Variants in DNM3 observed in about 807,000 individuals in gnomAD.
The protein encoded by DNM3 is dynamin 3.
DNM3 carries 47 observed loss-of-function variants against 101.6 expected under a neutral mutation model. The ratio of observed to expected loss-of-function variants is 0.46; its 90% CI spans 0.37 to 0.59. The LOEUF is 0.59. Among genes scored for constraint, DNM3 ranks in the 20% least tolerant of loss-of-function variants. The pLI, the probability that DNM3 is intolerant of heterozygous loss-of-function variation, is 0.00. For synonymous variants in DNM3, 385 were observed against 387.9 expected, an observed-to-expected ratio of 0.99 and a Z score of 0.09; for missense variants, 849 against 1,085.7, an observed-to-expected ratio of 0.78 and a Z score of 3.06.
At chr1:172,302,029 T>C (rs192501140) in intron 15 of DNM3, among the ~76,000 whole-genome samples, 1 of 152,252 alleles carries the variant, frequency 6.6e-6, no homozygotes, top group East Asian at 1.9e-4. Flanking sequence ...CTGCGACCAG[T>C]TGGACAGTGA....
At chr1:171,978,693 CA>C (rs2044562787) in intron 2 of DNM3, among the ~76,000 whole-genome samples, 1 of 152,038 alleles carries the variant, frequency 6.6e-6, no homozygotes, top group South Asian at 2.1e-4. Flanking sequence ...AGAATGGATT[CA>C]ATGGAGCAAG....
At chr1:172,258,243 A>C (rs1485356486) in intron 15 of DNM3, among the ~76,000 whole-genome samples, 1 of 152,142 alleles carries the variant, frequency 6.6e-6, no homozygotes, top group Non-Finnish European at 1.5e-5. Context: ...TACAATAAAC[A>C]TGGGAGCGCG....
At chr1:172,194,032 A>G (rs1387262124) in intron 14 of DNM3, among the ~76,000 whole-genome samples, 1 of 152,116 alleles carries the variant, frequency 6.6e-6, no homozygotes, top group Non-Finnish European at 1.5e-5. Context: ...ACTGCTTTAA[A>G]TGTGTCCCAG....
chr1:172,401,240 C>T (rs2070461446), intron 20 of DNM3, among the ~76,000 whole-genome samples: 3 of 152,154 alleles, frequency 2.0e-5, no homozygotes, highest in Admixed American at 6.5e-5. Context: ...TATTGAAAAG[C>T]TTGCCTGAGT....
chr1:171,914,639 C>T (rs970246436), intron 1 of DNM3, among the ~76,000 whole-genome samples: 2 of 152,040 alleles, frequency 1.3e-5, no homozygotes, highest in African/African-American at 4.8e-5. Context: ...TTCATAATAT[C>T]AATTTAAATG....
intron 15 of DNM3, among the ~76,000 whole-genome samples, chr1:172,296,312 T>C (rs2148830572): frequency 6.6e-6 from 1 of 152,344 alleles, no homozygotes; most frequent in South Asian, 2.1e-4. Context: ...ACCAAAGCAC[T>C]AGTTGTGTGA....
chr1:171,963,846 A>G (rs2043385434), intron 2 of DNM3, among the ~76,000 whole-genome samples: 2 of 150,984 alleles, frequency 1.3e-5, no homozygotes, highest in South Asian at 4.1e-4. Flanking sequence ...GTAAACCAAA[A>G]ATAAAATTCC....
In DNM3 at chr1:172,048,634, A is replaced by G; in HGVS notation, c.1219A>G (p.Met407Val). The change falls in exon 10 of 21, where the codon ATG becomes GTG. Residue 407 changes from methionine (M) to valine (V), a missense_variant. This residue lies in a region of DNM3 where 7 missense variants were observed against 29.2 expected (regional missense o/e 0.24). Transcript: ENST00000627582. ...GIRTGLFTPD[M>V]AFEAIVKKQI... ...CAGGACAGGGTTGTTTACTCCAGAC[A>G]TGGCATTTGAAGCGATAGTCAAGAA... 1 of 1,613,488 alleles carries G rather than the reference A, an allele frequency of 6.2e-7. No homozygotes were observed. The highest frequency in any genetic ancestry group is 8.5e-7 in the Non-Finnish European group (1 of 1,179,632).
chr1:172,317,232 C>A (rs986914858), intron 16 of DNM3, among the ~76,000 whole-genome samples: 11 of 151,384 alleles, frequency 7.3e-5, no homozygotes, highest in African/African-American at 2.7e-4. Flanking sequence ...GGGACACATT[C>A]AAAGCAGTGT....
chr1:171,897,925 T>TC (rs1178262145), intron 1 of DNM3, among the ~76,000 whole-genome samples: 1 of 152,244 alleles, frequency 6.6e-6, no homozygotes, highest in South Asian at 2.1e-4. Flanking sequence ...CGGTTCATTT[T>TC]TTTTTTTGAC....
At chr1:172,087,349 G>A (rs1215386397) in intron 12 of DNM3, among the ~76,000 whole-genome samples, 1 of 151,946 alleles carries the variant, frequency 6.6e-6, no homozygotes, top group African/African-American at 2.4e-5. Flanking sequence ...ATTCCTAATG[G>A]ATCTTACCCA....
At chr1:172,120,338 C>T (rs1370676398) in intron 13 of DNM3, among the ~76,000 whole-genome samples, 1 of 152,014 alleles carries the variant, frequency 6.6e-6, no homozygotes, top group Non-Finnish European at 1.5e-5. Flanking sequence ...GGGAAAGACC[C>T]ACCCCTCATG....
At chr1:171,996,154 T>A (rs2045981587) in intron 4 of DNM3, among the ~76,000 whole-genome samples, 1 of 152,156 alleles carries the variant, frequency 6.6e-6, no homozygotes, top group Admixed American at 6.6e-5. Flanking sequence ...GTCACAAATT[T>A]GTGGCTAGAC....
intron 2 of DNM3, among the ~76,000 whole-genome samples, chr1:171,974,662 T>A (rs2125561949): frequency 2.6e-5 from 4 of 152,348 alleles, no homozygotes; most frequent in Middle Eastern, 6.8e-3. Context: ...TAGGTTTTAC[T>A]GAGTGCTGGC....
chr1:171,905,201 T>G (rs1438102613), intron 1 of DNM3, among the ~76,000 whole-genome samples: 1 of 152,234 alleles, frequency 6.6e-6, no homozygotes, highest in Admixed American at 6.5e-5. Flanking sequence ...TACTGTATAC[T>G]GCATACTTCT....
chr1:172,363,794 T>C (rs1220849498), intron 17 of DNM3, among the ~76,000 whole-genome samples: 3 of 151,852 alleles, frequency 2.0e-5, no homozygotes, highest in African/African-American at 4.8e-5. Flanking sequence ...ACTCTTCTTC[T>C]CAATATATTT....
chr1:172,086,484 G>A (rs3924561), intron 12 of DNM3, among the ~76,000 whole-genome samples: 5,613 of 152,262 alleles, frequency 0.037, 251 homozygotes, highest in East Asian at 0.14. Flanking sequence ...TGTATAATCT[G>A]TGCTGTTCAA....
chr1:172,339,811 T>G (rs1294198672), intron 17 of DNM3, among the ~76,000 whole-genome samples: 1 of 152,224 alleles, frequency 6.6e-6, no homozygotes, highest in African/African-American at 2.4e-5. Context: ...AAAAGATTAC[T>G]AAGTCAGTCA....
chr1:171,953,563 G>A (rs2042667529), intron 2 of DNM3, among the ~76,000 whole-genome samples: 1 of 151,904 alleles, frequency 6.6e-6, no homozygotes, highest in African/African-American at 2.4e-5. Context: ...GAGTAGCTGG[G>A]ATTACAGGCA....
Sources: allele counts gnomAD v4.1 joint callset (sites outside exome capture counted in the v4.1 genomes callset), GRCh38; gene constraint gnomAD v4.1.1; regional missense constraint gnomAD v4.1.1; transcripts MANE v1.5; gene names NCBI Gene and HGNC (gene_info 2026-07-23, HGNC 2026-07-21).